The following CAST variants were observed in gnomAD, a reference collection of about 807,000 sequenced individuals.
CAST encodes calpastatin.
CAST carries 76 observed loss-of-function variants against 119.6 expected under a neutral mutation model. The observed-to-expected ratio is 0.64, with a 90% CI of 0.53 to 0.77. The LOEUF (loss-of-function observed/expected upper bound fraction) is 0.77, where lower values mean the gene tolerates loss of function less well. Among genes scored for constraint, CAST ranks in the 30% least tolerant of loss-of-function variants. CAST has a pLI of 0.00. For missense variants in CAST, 953 were observed against 946.5 expected (o/e 1.01, Z -0.09); for synonymous variants, 319 against 331.6 (o/e 0.96, Z 0.41).
At chr5:96,672,780 AT>A (rs1750272162) in intron 1 of CAST, among the ~76,000 whole-genome samples, 1 of 150,730 alleles carries the variant, frequency 6.6e-6, no homozygotes, top group Non-Finnish European at 1.5e-5. Flanking sequence ...GCCTTTTATT[AT>A]AAGTGATTTT....
At chr5:96,642,341 A>G (rs915713027) in intron 1 of CAST, among the ~76,000 whole-genome samples, 1 of 152,164 alleles carries the variant, frequency 6.6e-6, no homozygotes. Flanking sequence ...ATAAGGACAC[A>G]TTATTGGGTC....
the CAST span, among the ~76,000 whole-genome samples, chr5:96,224,991 A>G: frequency 3.3e-4 from 50 of 152,184 alleles, 1 homozygote; most frequent in African/African-American, 1.2e-3. Flanking sequence ...CATGTGCTCC[A>G]CTCCCTGATT....
chr5:96,163,341 A>G, the CAST span, among the ~76,000 whole-genome samples: 1 of 152,172 alleles, frequency 6.6e-6, no homozygotes, highest in Non-Finnish European at 1.5e-5. Context: ...TGACCTTTTA[A>G]AAGAACCAAC....
At chr5:96,543,260 T>C (rs964287453) in intron 1 of CAST, among the ~76,000 whole-genome samples, 2 of 152,166 alleles carry the variant, frequency 1.3e-5, no homozygotes, top group African/African-American at 4.8e-5. Flanking sequence ...GAAACCATCA[T>C]TCTCAGCAAA....
At chr5:96,346,871 T>C in the CAST span, among the ~76,000 whole-genome samples, 1 of 152,118 alleles carries the variant, frequency 6.6e-6, no homozygotes, top group African/African-American at 2.4e-5. Flanking sequence ...CTTTGAATAG[T>C]AGGTGTGAAT....
the CAST span, among the ~76,000 whole-genome samples, chr5:96,063,718 C>T: frequency 6.6e-6 from 1 of 152,112 alleles, no homozygotes; most frequent in African/African-American, 2.4e-5. Flanking sequence ...TTACATGTCT[C>T]AGTTTATTTA....
chr5:96,196,531 T>G, the CAST span, among the ~76,000 whole-genome samples: 1 of 152,128 alleles, frequency 6.6e-6, no homozygotes, highest in Admixed American at 6.6e-5. Flanking sequence ...GGGGGAGCCT[T>G]TTATAGATGG....
At chr5:96,448,279 C>T in the CAST span, among the ~76,000 whole-genome samples, 1 of 152,044 alleles carries the variant, frequency 6.6e-6, no homozygotes, top group Non-Finnish European at 1.5e-5. Flanking sequence ...TAATTATGTC[C>T]CTTGAGGTTT....
At chr5:96,297,947 C>T in the CAST span, among the ~76,000 whole-genome samples, 16 of 152,060 alleles carry the variant, frequency 1.1e-4, no homozygotes, top group South Asian at 2.1e-4. Context: ...GGTGAATGTG[C>T]GGGTGCTCTC....
chr5:96,695,726 A>G (rs747880506), intron 2 of CAST, 110 bp from the exon 3 acceptor site: 42 of 636,682 alleles, frequency 6.6e-5, no homozygotes, highest in African/African-American at 1.1e-4. Flanking sequence ...TGTTTCAAAT[A>G]TTAGTCTGAT....
chr5:96,265,461 T>G, the CAST span, among the ~76,000 whole-genome samples: 4 of 152,104 alleles, frequency 2.6e-5, no homozygotes, highest in African/African-American at 7.2e-5. Flanking sequence ...GAAGGCCAGC[T>G]GGAGTCCTAA....
the CAST span, among the ~76,000 whole-genome samples, chr5:95,971,598 T>C: frequency 6.6e-6 from 1 of 152,222 alleles, no homozygotes; most frequent in Non-Finnish European, 1.5e-5. Context: ...TGTCCCTTTG[T>C]AGTCAGATCT....
the CAST span, among the ~76,000 whole-genome samples, chr5:96,023,367 C>G: frequency 6.6e-6 from 1 of 152,150 alleles, no homozygotes; most frequent in Non-Finnish European, 1.5e-5. Context: ...TTTCACTTTG[C>G]TAATCACAAC....
chr5:96,360,753 A>G, the CAST span, among the ~76,000 whole-genome samples: 2 of 152,162 alleles, frequency 1.3e-5, no homozygotes, highest in South Asian at 2.1e-4. Context: ...GCTCTCCTCT[A>G]TGAGGTGTCT....
intron 16 of CAST, among the ~76,000 whole-genome samples, chr5:96,745,397 TTTTTA>T (rs1415229180): frequency 1.3e-5 from 2 of 152,348 alleles, no homozygotes; most frequent in African/African-American, 4.8e-5. Flanking sequence ...TTTGTTTTGT[TTTTTA>T]TATTTCCTGT....
chr5:96,087,238 G>A, the CAST span, among the ~76,000 whole-genome samples: 1 of 152,326 alleles, frequency 6.6e-6, no homozygotes, highest in East Asian at 1.9e-4. Context: ...TATTTCATCA[G>A]AGGTTTCATT....
the CAST span, among the ~76,000 whole-genome samples, chr5:96,296,153 C>A: frequency 0.037 from 5,636 of 152,184 alleles, 391 homozygotes; most frequent in African/African-American, 0.13. Context: ...AGCCAACATG[C>A]AAAAAATCTA....
At chr5:96,556,909 A>G (rs1746252703) in intron 1 of CAST, among the ~76,000 whole-genome samples, 1 of 152,180 alleles carries the variant, frequency 6.6e-6, no homozygotes, top group Non-Finnish European at 1.5e-5. Flanking sequence ...CATAATTGTC[A>G]GATTCACCAA....
chr5:96,636,423 C>T (rs1371251219), intron 1 of CAST, among the ~76,000 whole-genome samples: 1 of 152,108 alleles, frequency 6.6e-6, no homozygotes, highest in Non-Finnish European at 1.5e-5. Flanking sequence ...TATTTAAATA[C>T]AGGCATTTCC....
Sources: allele counts gnomAD v4.1 joint callset (sites outside exome capture counted in the v4.1 genomes callset), GRCh38; gene constraint gnomAD v4.1.1; transcripts MANE v1.5; gene names NCBI Gene and HGNC (gene_info 2026-07-23, HGNC 2026-07-21).